The following PARP8 variants were observed in gnomAD, a reference collection of about 807,000 sequenced individuals.
PARP8 encodes poly(ADP-ribose) polymerase family member 8, also known as protein mono-ADP-ribosyltransferase PARP8.
PARP8 carries 51 observed loss-of-function variants against 124.1 expected under a neutral mutation model. The ratio of observed to expected loss-of-function variants is 0.41; its 90% CI spans 0.33 to 0.52. The LOEUF (loss-of-function observed/expected upper bound fraction) is 0.52, where lower values mean the gene tolerates loss of function less well. Among genes scored for constraint, PARP8 ranks in the 20% least tolerant of loss-of-function variants. The pLI is 0.21. For synonymous variants in PARP8, 391 were observed against 361.5 expected, an observed-to-expected ratio of 1.08 and a Z score of -0.93; for missense variants, 860 against 1,018.9, an observed-to-expected ratio of 0.84 and a Z score of 2.12.
chr5:50,756,850 C>T (rs115968591), intron 3 of PARP8, among the ~76,000 whole-genome samples: 2,183 of 152,244 alleles, frequency 0.014, 61 homozygotes, highest in African/African-American at 0.049. Flanking sequence ...CCCTGGCCAC[C>T]ATTGTTCTTA....
chr5:50,739,424 A>G (rs548096419), intron 2 of PARP8, among the ~76,000 whole-genome samples: 329 of 151,884 alleles, frequency 2.2e-3, no homozygotes, highest in Non-Finnish European at 3.2e-3. Context: ...TTGAGAAATC[A>G]TTTTTTTGAT....
intron 2 of PARP8, among the ~76,000 whole-genome samples, chr5:50,692,760 C>T (rs1468180183): frequency 6.6e-6 from 1 of 152,098 alleles, no homozygotes; most frequent in Non-Finnish European, 1.5e-5. Context: ...CTTCAGTAGG[C>T]CCACCCGGCT....
At position 50,698,193 on chromosome 5, in the gene PARP8, G is replaced by A. The variant is rs1753229816; in HGVS notation, c.146+30068G>A. On this transcript the variant is annotated intron_variant, in intron 2 of 25. Coordinates refer to ENST00000281631, the MANE Select transcript of PARP8 (RefSeq NM_024615.4). ...ACGAGTTAATAAATGAATGAGTTTG[G>A]GCTTCACAATTAAATTGGAGGTTTA... is the stretch of plus-strand genomic sequence containing the variant. 3.9e-5 allele frequency among the ~76,000 whole-genome samples: 6 copies of A among 152,224 alleles called. No homozygotes were observed. The South Asian group carries it at 1.0e-3, about 26-fold the overall frequency.
rs78455317 is a variant in PARP8, at chr5:50,730,020, C to T, written c.147-20131C>T. Among the ~76,000 whole-genome samples, 1,137 of 152,236 alleles carry T rather than the reference C, an allele frequency of 7.5e-3. 14 individuals carry two copies. The highest frequency in any genetic ancestry group is 0.026 in the African/African-American group (1,070 of 41,546). The stretch of plus-strand genomic sequence containing the variant: ...TTTAAATGCTTTCTTAAAGTGAGCA[C>T]ATACAGAAATACATTAAGATATTAG... On this transcript the variant is annotated intron_variant, in intron 2 of 25. Coordinates refer to ENST00000281631, the MANE Select transcript of PARP8 (RefSeq NM_024615.4).
intron 7 of PARP8, among the ~76,000 whole-genome samples, chr5:50,771,660 T>A (rs1334867655): frequency 7.1e-6 from 1 of 140,122 alleles, no homozygotes; most frequent in Non-Finnish European, 1.5e-5. Flanking sequence ...ATTCTATTAC[T>A]TGAATAGTCG....
intron 7 of PARP8, among the ~76,000 whole-genome samples, chr5:50,769,354 A>AT (rs1441657132): frequency 2.6e-5 from 4 of 151,980 alleles, no homozygotes; most frequent in Non-Finnish European, 5.9e-5. Flanking sequence ...GAAAAAAAAA[A>AT]GTTGTTTCCC....
At chr5:50,721,810 G>C (rs1397049785) in intron 2 of PARP8, among the ~76,000 whole-genome samples, 2 of 152,084 alleles carry the variant, frequency 1.3e-5, no homozygotes, top group Admixed American at 1.3e-4. Flanking sequence ...TGGTTGGTAA[G>C]AACTCATGCC....
chr5:50,724,402 T>G (rs1756208381), intron 2 of PARP8, among the ~76,000 whole-genome samples: 1 of 152,096 alleles, frequency 6.6e-6, no homozygotes, highest in Non-Finnish European at 1.5e-5. Flanking sequence ...ACAGTGTATG[T>G]GCCAGCACAG....
chr5:50,694,842 C>T (rs902482752), intron 2 of PARP8, among the ~76,000 whole-genome samples: 2 of 152,162 alleles, frequency 1.3e-5, no homozygotes, highest in Non-Finnish European at 2.9e-5. Context: ...CAGTCTGTGC[C>T]TGAAAGCCTG....
intron 2 of PARP8, among the ~76,000 whole-genome samples, chr5:50,715,628 C>G (rs1288261976): frequency 6.6e-6 from 1 of 151,844 alleles, no homozygotes; most frequent in Non-Finnish European, 1.5e-5. Context: ...AATTATTTTT[C>G]AGACCTCTAC....
intron 14 of PARP8, among the ~76,000 whole-genome samples, chr5:50,807,702 A>G (rs1451061344): frequency 6.6e-6 from 1 of 151,920 alleles, no homozygotes; most frequent in Non-Finnish European, 1.5e-5. Context: ...GCTAGAGAAA[A>G]CCATGTGGTT....
intron 3 of PARP8, among the ~76,000 whole-genome samples, chr5:50,755,602 A>C (rs1759845822): frequency 6.6e-6 from 1 of 152,152 alleles, no homozygotes; most frequent in African/African-American, 2.4e-5. Flanking sequence ...TATAGTTTGA[A>C]GTCAGGTAGT....
At chr5:50,703,585 G>A (rs752844484) in intron 2 of PARP8, among the ~76,000 whole-genome samples, 3 of 152,090 alleles carry the variant, frequency 2.0e-5, no homozygotes, top group African/African-American at 7.2e-5. Flanking sequence ...CTCTATTCTC[G>A]CTTGGGAGAA....
At chr5:50,817,043 A>G (rs561932386) in intron 15 of PARP8, among the ~76,000 whole-genome samples, 3 of 152,316 alleles carry the variant, frequency 2.0e-5, no homozygotes, top group Admixed American at 2.0e-4. Flanking sequence ...TTCAAGTAGT[A>G]TACTTAAAAT....
chr5:50,825,890 A>G (rs1190931431), intron 18 of PARP8, among the ~76,000 whole-genome samples: 1 of 152,190 alleles, frequency 6.6e-6, no homozygotes, highest in African/African-American at 2.4e-5. Context: ...TTAAAATTTT[A>G]TAGTACACAT....
chr5:50,672,335 C>T (rs1750125747), intron 2 of PARP8, among the ~76,000 whole-genome samples: 1 of 152,208 alleles, frequency 6.6e-6, no homozygotes, highest in Non-Finnish European at 1.5e-5. Context: ...AGCACACTGT[C>T]TAGCCCAGTA....
intron 3 of PARP8, 108 bp downstream of exon 3, chr5:50,750,296 G>A (rs1198478295): frequency 2.2e-6 from 2 of 907,376 alleles, no homozygotes; most frequent in African/African-American, 1.7e-5. Flanking sequence ...GTGAAACACT[G>A]GTAGAGGAAG....
chr5:50,787,397 T>G (rs1294935420), intron 9 of PARP8, among the ~76,000 whole-genome samples: 5 of 152,172 alleles, frequency 3.3e-5, no homozygotes, highest in African/African-American at 1.2e-4. Flanking sequence ...TCAGCATATT[T>G]TCTCTTCAGG....
chr5:50,667,950 A>T, intron 1 of PARP8, 121 bp from the exon 2 acceptor site: 1 of 1,587,330 alleles, frequency 6.3e-7, no homozygotes, highest in Non-Finnish European at 8.5e-7. Flanking sequence ...GCCGCCCTCT[A>T]GCCCTTGCCT....
Sources: gnomAD v4.1 joint callset for allele counts (sites outside exome capture counted in the v4.1 genomes callset) on GRCh38, gnomAD v4.1.1 for gene constraint, MANE v1.5 for transcripts, NCBI Gene and HGNC (gene_info 2026-07-23, HGNC 2026-07-21) for gene names.